The following NIT2 variants were observed in gnomAD, a reference collection of about 807,000 sequenced individuals.
NIT2 encodes the protein omega-amidase NIT2.
A neutral mutation model predicts 42.7 loss-of-function variants in NIT2; 46 were observed. That is an observed-to-expected ratio of 1.08 (90% confidence interval 0.85 to 1.38). The LOEUF (loss-of-function observed/expected upper bound fraction) is 1.38, where lower values mean the gene tolerates loss of function less well. NIT2 is among the 40% of genes most tolerant of loss of function. NIT2 has a pLI of 0.00. For missense variants in NIT2, 309 were observed against 342.5 expected, an observed-to-expected ratio of 0.90 and a Z score of 0.77; for synonymous variants, 123 against 121.9, an observed-to-expected ratio of 1.01 and a Z score of -0.06.
At chr3:100,350,848 T>C (rs277650) in intron 7 of NIT2, among the ~76,000 whole-genome samples, 112,800 of 151,488 alleles carry the variant, frequency 0.74, 43,040 homozygotes, top group East Asian at 0.93. Context: ...TAAAGCTATC[T>C]CTCCCCCCTG....
chr3:100,339,540 A>G, intron 2 of NIT2, among the ~76,000 whole-genome samples: 1 of 152,110 alleles, frequency 6.6e-6, no homozygotes, highest in East Asian at 1.9e-4. Flanking sequence ...ACCAGAACAT[A>G]TTGGTTTTAG....
In NIT2 at chr3:100,354,880, G is replaced by A. The variant is rs568002037; in HGVS notation, c.739+53G>A. 2.7e-4 allele frequency: 396 copies of A among 1,464,042 alleles called. 2 individuals carry two copies. In the East Asian group the frequency reaches 8.5e-3, roughly 31 times the overall value. 90.7% of individuals were successfully genotyped at this position (1,464,042 alleles called of 1,614,324 possible). On this transcript the variant is annotated intron_variant, in intron 9 of 9. Coordinates refer to ENST00000394140, the MANE Select transcript of NIT2 (RefSeq NM_020202.5). ...TCTCTGATGTCCCCATTGTTCTGAGGCCAGACTCCATGGCTGGGAAGTCCC... is the reference window on the plus strand; with the variant it reads ...TCTCTGATGTCCCCATTGTTCTGAGACCAGACTCCATGGCTGGGAAGTCCC...
chr3:100,344,637 A>G (rs758314416), intron 4 of NIT2, among the ~76,000 whole-genome samples: 9 of 150,908 alleles, frequency 6.0e-5, no homozygotes, highest in Non-Finnish European at 8.9e-5. Context: ...ATGCTCTTTC[A>G]TTTTCTGTTT....
rs1706320245 is a variant in NIT2, at chr3:100,355,750, G to T, written c.*482G>T. ...TACATCTTTGGTGTTTGCCAGAGAA[G>T]TTGGCAGCCCCACCCCTCCTACCAG... On this transcript the variant is annotated 3_prime_UTR_variant, in exon 10 of 10. Coordinates refer to ENST00000394140, the MANE Select transcript of NIT2 (RefSeq NM_020202.5). 1 of 153,398 alleles carries T rather than the reference G, an allele frequency of 6.5e-6. No individual in the cohort carries two copies. The highest frequency in any genetic ancestry group is 6.5e-5 in the Admixed American group (1 of 15,366). The allele number at this position is 153,398 out of a possible 1,614,324, so 9.5% of individuals were successfully genotyped here.
rs754093945 is a variant in NIT2 at position 100,358,955 on chromosome 3, CAG to C, written c.*3688_*3689del. On this transcript the variant is annotated 3_prime_UTR_variant, in exon 10 of 10. Coordinates refer to ENST00000394140, the MANE Select transcript of NIT2 (RefSeq NM_020202.5). ...AATGATGTGTGTGCTGCAGGCTAAA[CAG>C]GGGCTCTTCCTTATGCCTCATAACC... 6.6e-6 allele frequency: 1 copy of C among 152,198 alleles called. No individual in the cohort carries two copies. The highest frequency in any genetic ancestry group is 1.5e-5 in the Non-Finnish European group (1 of 68,032). The allele number at this position is 152,198 out of a possible 1,614,324, so 9.4% of individuals were successfully genotyped here. A position where few individuals can be genotyped will look rare whatever the true frequency, so the allele number is the denominator to read the frequency against.
At chr3:100,345,560 AC>A in intron 4 of NIT2, 24 bp from the exon 5 acceptor site, 1 of 1,530,484 alleles carries the variant, frequency 6.5e-7, no homozygotes, top group Admixed American at 1.7e-5. Flanking sequence ...AAAAGAGGTA[AC>A]CAAATCCATT....
chr3:100,337,285 C>G (rs1706088979), intron 1 of NIT2, among the ~76,000 whole-genome samples: 1 of 152,134 alleles, frequency 6.6e-6, no homozygotes, highest in African/African-American at 2.4e-5. Context: ...TCTTTCTTTT[C>G]CCTACACTAA....
chr3:100,340,800 C>G (rs1706141124), intron 3 of NIT2, among the ~76,000 whole-genome samples: 1 of 151,956 alleles, frequency 6.6e-6, no homozygotes, highest in Non-Finnish European at 1.5e-5. Context: ...TGGCATCTAA[C>G]CTAATCATAT....
intron 1 of NIT2, among the ~76,000 whole-genome samples, chr3:100,337,457 T>G (rs1227621729): frequency 6.6e-6 from 1 of 152,046 alleles, no homozygotes; most frequent in East Asian, 1.9e-4. Context: ...ATTTATTTAT[T>G]TATTTATTTT....
chr3:100,336,784 G>T (rs138392423), intron 1 of NIT2, among the ~76,000 whole-genome samples: 1 of 152,126 alleles, frequency 6.6e-6, no homozygotes, highest in Non-Finnish European at 1.5e-5. Flanking sequence ...GCCCAGGGAC[G>T]GGCAGGAGAC....
intron 4 of NIT2, among the ~76,000 whole-genome samples, chr3:100,341,840 A>G (rs1350087349): frequency 3.9e-5 from 6 of 152,012 alleles, no homozygotes; most frequent in African/African-American, 1.4e-4. Context: ...TCAGGAGTTC[A>G]AGACCAGCCT....
intron 1 of NIT2, among the ~76,000 whole-genome samples, chr3:100,338,487 C>T (rs900957566): frequency 1.3e-5 from 2 of 152,138 alleles, no homozygotes; most frequent in African/African-American, 2.4e-5. Context: ...CTGCCAGCAG[C>T]GGGATCGATG....
At chr3:100,351,864 C>CA (rs1403401123) in intron 7 of NIT2, among the ~76,000 whole-genome samples, 1 of 152,076 alleles carries the variant, frequency 6.6e-6, no homozygotes, top group Admixed American at 6.6e-5. Flanking sequence ...ACTCATCTGA[C>CA]AAAGGGCTAA....
chr3:100,340,989 C>T (rs1706143249), intron 3 of NIT2, 84 bp from the exon 4 acceptor site: 2 of 885,328 alleles, frequency 2.3e-6, no homozygotes, highest in African/African-American at 1.7e-5. Context: ...ATTTTTGGAC[C>T]CAAGTTATCA....
rs200892066 is a variant in NIT2 at position 100,341,062 on chromosome 3, C to T, written c.248-11C>T. ...CTTTTTCTTATGGTATGTTTCTTCT[C>T]TCAATGAAAGGCTCTATCCCTGAAG... On this transcript the variant is annotated splice_polypyrimidine_tract_variant and intron_variant, in intron 3 of 9. Transcript: ENST00000394140. The T allele has an allele frequency of 5.7e-5, 91 of 1,587,080 alleles. No individual in the cohort carries two copies. Among genetic ancestry groups the T allele is most frequent in the Non-Finnish European group, 7.7e-5 (89 of 1,155,630 alleles).
intron 8 of NIT2, among the ~76,000 whole-genome samples, chr3:100,353,517 A>C (rs1706294416): frequency 6.6e-6 from 1 of 152,126 alleles, no homozygotes; most frequent in Non-Finnish European, 1.5e-5. Flanking sequence ...ATTTTCTTGA[A>C]CTTGCATCAG....
rs1233056382 is a variant in NIT2, at chr3:100,341,959, C to T, written c.336+798C>T. Among the ~76,000 whole-genome samples, 3 of 152,032 alleles carry T rather than the reference C, an allele frequency of 2.0e-5. No individual in the cohort carries two copies. In the South Asian group the frequency reaches 6.2e-4, roughly 32 times the overall value. On this transcript the variant is annotated intron_variant, in intron 4 of 9. Transcript: ENST00000394140. ...TCAGGAAGCTGAGACAGGAGAATTG[C>T]TTGAACCCAGGAGGTGGACGCTGCA...
chr3:100,335,664 G>T (rs1706060844), intron 1 of NIT2, among the ~76,000 whole-genome samples: 1 of 152,180 alleles, frequency 6.6e-6, no homozygotes, highest in Admixed American at 6.5e-5. Flanking sequence ...TGTAGGAGAG[G>T]AAGCCATCAG....
At chr3:100,335,577 G>A (rs1489743832) in intron 1 of NIT2, among the ~76,000 whole-genome samples, 1 of 152,228 alleles carries the variant, frequency 6.6e-6, no homozygotes, top group Non-Finnish European at 1.5e-5. Flanking sequence ...GCTGCAGCAT[G>A]TCTGTAGAGT....
Sources: gnomAD v4.1 joint callset for allele counts (sites outside exome capture counted in the v4.1 genomes callset) on GRCh38, gnomAD v4.1.1 for gene constraint, MANE v1.5 for transcripts, NCBI Gene and HGNC (gene_info 2026-07-23, HGNC 2026-07-21) for gene names.